TRPM1: variants seen among roughly 807,000 people sequenced by gnomAD.
TRPM1 encodes the protein transient receptor potential cation channel subfamily M member 1, also known as TRPM1-203 APA Isoform, Intron 10.
Under a neutral mutation model 149.4 loss-of-function variants are expected in TRPM1, and 113 were observed. That is an observed-to-expected ratio of 0.76 (90% CI 0.65 to 0.88). TRPM1 has a LOEUF of 0.88. Among genes scored for constraint, TRPM1 ranks in the 40% least tolerant of loss-of-function variants. TRPM1 has a pLI of 0.00. For missense variants in TRPM1, 1,976 were observed against 2,038.7 expected (o/e 0.97, Z 0.59); for synonymous variants, 741 against 759.5 (o/e 0.98, Z 0.40).
rs573609201 is a variant in TRPM1 at position 31,077,496 on chromosome 15, G to A, written c.4-512C>T. On this transcript the variant is annotated intron_variant, in intron 2 of 27. Transcript: ENST00000256552. Reference sequence around the variant, plus strand: ...GAGGCTGGGCACTGGGAAGTGAACCGGCCTGCATCTGAAGGGCCCCATTGG... The same window carrying A: ...GAGGCTGGGCACTGGGAAGTGAACCAGCCTGCATCTGAAGGGCCCCATTGG... 3.5e-4 allele frequency among the ~76,000 whole-genome samples: 54 copies of A among 152,306 alleles called. 1 individual carries two copies. In the South Asian group the frequency reaches 8.9e-3, roughly 25 times the overall value.
chr15:31,019,203 A>G (rs141121060), intron 27 of TRPM1, among the ~76,000 whole-genome samples: 132 of 152,352 alleles, frequency 8.7e-4, no homozygotes, highest in East Asian at 8.5e-3. Context: ...ACTACTGATC[A>G]TAAAGTTGTC....
At chr15:31,156,992 T>A (rs1460007871) in intron 1 of TRPM1, among the ~76,000 whole-genome samples, 1 of 151,794 alleles carries the variant, frequency 6.6e-6, no homozygotes, top group African/African-American at 2.4e-5. Flanking sequence ...GCTCGCTGCA[T>A]CCTTGACCTC....
rs1184046525 is a variant in TRPM1 at position 31,002,406 on chromosome 15, T to G, written c.4294A>C (p.Thr1432Pro). 7 of 1,614,258 alleles carry G rather than the reference T, an allele frequency of 4.3e-6. No homozygotes were observed. The South Asian group carries it at 7.7e-5, about 18-fold the overall frequency. ...LTVETTNIEGTISYPLEETKI... is the reference protein window; with the variant it reads ...LTVETTNIEGPISYPLEETKI... ...GTTTCTTCCAGGGGATAGGAAATAG[T>G]GCCTTCTATATTTGTCGTTTCCACT... Residue 1432 changes from threonine (T) to proline (P), a missense_variant, in exon 28 of 28, where the codon ACT (threonine) becomes CCT (proline). By Grantham distance (38) the Thr-to-Pro change is conservative. This residue lies in a region of TRPM1 where 572 missense variants were observed against 578.9 expected (regional missense o/e 0.99). Coordinates refer to ENST00000256552, the MANE Select transcript of TRPM1 (RefSeq NM_001252024.2).
chr15:31,020,324 G>A (rs765836830), intron 27 of TRPM1, among the ~76,000 whole-genome samples: 23 of 152,194 alleles, frequency 1.5e-4, no homozygotes, highest in Non-Finnish European at 2.6e-4. Context: ...AGGCAATGTC[G>A]TATGTTTATG....
rs749825845 is a variant in TRPM1, at chr15:31,063,114, C to G, written c.965+4G>C. ...CGCCCTTCCTCGCGCGTCAGAAATC[C>G]TACCCGCCTTCTTCACAGTACTTGT... On this transcript the variant is annotated splice_donor_region_variant and intron_variant, in intron 8 of 27. Transcript: ENST00000256552. 2 of 1,614,228 alleles carry G rather than the reference C, an allele frequency of 1.2e-6. No individual in the cohort carries two copies. The highest frequency in any genetic ancestry group is 1.1e-5 in the South Asian group (1 of 91,086).
chr15:31,002,623 A>G lies in TRPM1; in HGVS notation c.4077T>C (p.Asp1359=). ...SLGTSTSATP[D]GSHLAVDDLK... ...AGTCATCTACTGCAAGGTGACTGCC[A>G]TCTGGGGTTGCTGATGTGCTTGTGC... The change falls in exon 28 of 28, where the codon GAT becomes GAC. Residue 1359 remains aspartate (D), a synonymous_variant. Transcript: ENST00000256552. 2.5e-6 allele frequency: 4 copies of G among 1,614,182 alleles called. No homozygotes were observed. The highest frequency in any genetic ancestry group is 1.6e-4 in the Middle Eastern group (1 of 6,062).
intron 15 of TRPM1, among the ~76,000 whole-genome samples, chr15:31,046,583 G>A (rs955762920): frequency 2.0e-5 from 3 of 152,178 alleles, no homozygotes; most frequent in Non-Finnish European, 4.4e-5. Flanking sequence ...ATAAGGGTGG[G>A]AAAGGCACTG....
At chr15:31,070,425 C>T (rs2034508373) in intron 3 of TRPM1, 199 bp from the exon 4 acceptor site, 2 of 708,914 alleles carry the variant, frequency 2.8e-6, no homozygotes, top group Non-Finnish European at 5.1e-6. Flanking sequence ...TCTTTATATG[C>T]CAGTCGATTT....
rs73375959 is a variant in TRPM1, at chr15:31,118,672, A to G, written c.55-41688T>C. ...CTCTCTTCTGGGTTGAAGATTGCCA[A>G]CTTCTCACTTGATCTTACCCAAAAG... On this transcript the variant is annotated intron_variant, in intron 1 of 26. Coordinates refer to the TRPM1 transcript ENST00000542188. 2.1e-3 allele frequency among the ~76,000 whole-genome samples: 325 copies of G among 152,234 alleles called. 2 individuals are homozygous for G. Among genetic ancestry groups the G allele is most frequent in the African/African-American group, 7.4e-3 (309 of 41,538 alleles).
chr15:31,136,021 T>C (rs1486518556), intron 1 of TRPM1, among the ~76,000 whole-genome samples: 1 of 152,202 alleles, frequency 6.6e-6, no homozygotes, highest in Non-Finnish European at 1.5e-5. Flanking sequence ...ATTGTGTAAT[T>C]TTAGTTCAGT....
chr15:31,099,648 A>C (rs2035470025), intron 1 of TRPM1, among the ~76,000 whole-genome samples: 1 of 152,232 alleles, frequency 6.6e-6, no homozygotes. Flanking sequence ...GAGCCAAACC[A>C]AACACAACTC....
At chr15:31,021,713 A>T (rs1566992916) in intron 27 of TRPM1, among the ~76,000 whole-genome samples, 1 of 151,948 alleles carries the variant, frequency 6.6e-6, no homozygotes, top group Non-Finnish European at 1.5e-5. Flanking sequence ...AAAAAAAAAA[A>T]AAAAAAAGAC....
chr15:31,088,801 C>CGGGG lies in TRPM1; in HGVS notation c.-83-7364_-83-7363insCCCC, dbSNP rs370669193. On this transcript the variant is annotated intron_variant, in intron 1 of 27. Coordinates refer to ENST00000256552, the MANE Select transcript of TRPM1 (RefSeq NM_001252024.2). The stretch of plus-strand genomic sequence containing the variant: ...ATCAAACACCTGAACGTTCTTTCTG[C>CGGGG]TGGGGGGATGCGTCAGAGGAGGCCT... 1.7e-3 allele frequency among the ~76,000 whole-genome samples: 232 copies of CGGGG among 140,492 alleles called. 2 individuals are homozygous for CGGGG. Among genetic ancestry groups the CGGGG allele is most frequent in the African/African-American group, 5.9e-3 (190 of 32,280 alleles). 92.2% of individuals were successfully genotyped at this position (140,492 alleles called of 152,430 possible).
chr15:31,023,038 A>G (rs2032601459), intron 27 of TRPM1, among the ~76,000 whole-genome samples: 1 of 152,170 alleles, frequency 6.6e-6, no homozygotes, highest in African/African-American at 2.4e-5. Context: ...AAACAAAAAC[A>G]GAAACAAAAG....
chr15:31,075,637 A>G (rs1341052224), intron 3 of TRPM1, among the ~76,000 whole-genome samples: 2 of 152,134 alleles, frequency 1.3e-5, no homozygotes, highest in African/African-American at 4.8e-5. Flanking sequence ...TCCTCCCAGG[A>G]AGAAAGCCCC....
intron 1 of TRPM1, among the ~76,000 whole-genome samples, chr15:31,086,321 A>G (rs1200314638): frequency 6.6e-6 from 1 of 152,210 alleles, no homozygotes; most frequent in Non-Finnish European, 1.5e-5. Context: ...GAGGCATCAG[A>G]CTGGATGCCT....
chr15:31,081,226 G>A, intron 2 of TRPM1, 127 bp downstream of exon 2: 1 of 728,876 alleles, frequency 1.4e-6, no homozygotes. Context: ...CCCGAGCCAG[G>A]CTCAATCCAC....
intron 24 of TRPM1, among the ~76,000 whole-genome samples, chr15:31,029,051 G>T (rs912415863): frequency 5.9e-5 from 9 of 152,136 alleles, no homozygotes; most frequent in South Asian, 4.2e-4. Context: ...ATGTTGTATG[G>T]GTTAGGGATT....
chr15:31,033,406 AG>A (rs1207770375), intron 21 of TRPM1, among the ~76,000 whole-genome samples: 1 of 152,252 alleles, frequency 6.6e-6, no homozygotes, highest in Non-Finnish European at 1.5e-5. Context: ...ATGAGAAATT[AG>A]GGGAAAGTTA....
Sources: gnomAD v4.1 joint callset for allele counts (sites outside exome capture counted in the v4.1 genomes callset) on GRCh38, gnomAD v4.1.1 for gene constraint, gnomAD v4.1.1 regional missense constraint, MANE v1.5 for transcripts, NCBI Gene and HGNC (gene_info 2026-07-23, HGNC 2026-07-21) for gene names.